Variants in PLCL1 observed in about 807,000 individuals in gnomAD.
The protein encoded by PLCL1 is phospholipase C like 1 (inactive).
In PLCL1, 41 loss-of-function variants were observed where a neutral mutation model predicts 84.4. That is an observed-to-expected ratio of 0.49 (90% CI 0.38 to 0.63). The LOEUF (loss-of-function observed/expected upper bound fraction) is 0.63, where lower values mean the gene tolerates loss of function less well. Ranked by LOEUF, PLCL1 falls within the 30% of genes least tolerant of loss-of-function variation. The probability of loss-of-function intolerance (pLI) is 0.00; values close to 1 mark genes in which losing one functional copy is unlikely to be tolerated. For missense variants in PLCL1, 1,206 were observed against 1,367.8 expected (o/e 0.88, Z 1.87); for synonymous variants, 490 against 488.3 (o/e 1.00, Z -0.05).
rs1559098498 is a variant in PLCL1 at position 198,084,836 on chromosome 2, G to A, written c.1319G>A (p.Arg440Gln). 6.2e-7 allele frequency: 1 copy of A among 1,613,934 alleles called. No individual in the cohort carries two copies. Among genetic ancestry groups the A allele is most frequent in the Non-Finnish European group, 8.5e-7 (1 of 1,179,914 alleles). Reference sequence around the variant, plus strand: ...ATTAGAGCTTTGAAAATGGGCTGTCGAAGCGTTGAACTCGATGTAAGTGAT... The same window carrying A: ...ATTAGAGCTTTGAAAATGGGCTGTCAAAGCGTTGAACTCGATGTAAGTGAT... ...GYIRALKMGC[R>Q]SVELDVSDGS... Residue 440 changes from arginine (R) to glutamine (Q), a missense_variant, in exon 2 of 6, where the codon CGA (arginine) becomes CAA (glutamine). Coordinates refer to ENST00000428675, the MANE Select transcript of PLCL1 (RefSeq NM_006226.4).
intron 1 of PLCL1, among the ~76,000 whole-genome samples, chr2:197,853,048 C>T (rs567893560): frequency 6.6e-6 from 1 of 152,284 alleles, no homozygotes; most frequent in African/African-American, 2.4e-5. Context: ...TCCCTGGTGG[C>T]CACTATTCTG....
intron 1 of PLCL1, among the ~76,000 whole-genome samples, chr2:197,977,620 T>C (rs1303277576): frequency 6.6e-6 from 1 of 152,142 alleles, no homozygotes; most frequent in Non-Finnish European, 1.5e-5. Flanking sequence ...AACAATTGTT[T>C]ACCTTGCCCC....
chr2:197,963,775 T>G (rs1467470248), intron 1 of PLCL1, among the ~76,000 whole-genome samples: 1 of 152,118 alleles, frequency 6.6e-6, no homozygotes, highest in African/African-American at 2.4e-5. Context: ...TTGTGAGAGA[T>G]AGGGATCTAA....
At chr2:197,875,093 C>A (rs1399826906) in intron 1 of PLCL1, among the ~76,000 whole-genome samples, 1 of 152,108 alleles carries the variant, frequency 6.6e-6, no homozygotes, top group East Asian at 1.9e-4. Flanking sequence ...TGAGACCAGC[C>A]TGGCCAACAT....
At chr2:198,013,526 ATAT>A (rs1690918602) in intron 1 of PLCL1, among the ~76,000 whole-genome samples, 1 of 152,096 alleles carries the variant, frequency 6.6e-6, no homozygotes, top group Non-Finnish European at 1.5e-5. Context: ...ATGCTGATTA[ATAT>A]TATACTAGAA....
intron 1 of PLCL1, among the ~76,000 whole-genome samples, chr2:198,019,660 A>G (rs1361587543): frequency 6.6e-6 from 1 of 152,218 alleles, no homozygotes; most frequent in African/African-American, 2.4e-5. Context: ...AACTTAATGA[A>G]ATAAAGCATG....
intron 1 of PLCL1, among the ~76,000 whole-genome samples, chr2:197,894,940 T>C (rs1284191505): frequency 1.3e-5 from 2 of 151,962 alleles, no homozygotes; most frequent in South Asian, 4.1e-4. Context: ...GTGTTTTAAC[T>C]CTCTTTCTTT....
At chr2:197,968,864 T>C (rs1689800578) in intron 1 of PLCL1, among the ~76,000 whole-genome samples, 2 of 152,246 alleles carry the variant, frequency 1.3e-5, no homozygotes, top group Non-Finnish European at 2.9e-5. Context: ...GATGATCTGA[T>C]GGCTGGTTCA....
intron 5 of PLCL1, among the ~76,000 whole-genome samples, chr2:198,134,272 G>A (rs1694199110): frequency 6.6e-6 from 1 of 152,120 alleles, no homozygotes; most frequent in Admixed American, 6.6e-5. Flanking sequence ...TTAATCTGGT[G>A]TTTAAATGAA....
chr2:197,852,358 G>C (rs1221071574), intron 1 of PLCL1, among the ~76,000 whole-genome samples: 1 of 152,174 alleles, frequency 6.6e-6, no homozygotes, highest in Non-Finnish European at 1.5e-5. Context: ...ATTGTCATCT[G>C]ATTACACATT....
chr2:198,076,587 G>T (rs1034476238), intron 1 of PLCL1, among the ~76,000 whole-genome samples: 1 of 152,056 alleles, frequency 6.6e-6, no homozygotes, highest in Non-Finnish European at 1.5e-5. Flanking sequence ...AAGGCCAGTG[G>T]TTTACTTGGG....
At chr2:198,019,586 G>T (rs1293764047) in intron 1 of PLCL1, among the ~76,000 whole-genome samples, 1 of 152,114 alleles carries the variant, frequency 6.6e-6, no homozygotes, top group Non-Finnish European at 1.5e-5. Context: ...ATTTCATGAA[G>T]CATACACAAG....
At position 198,084,800 on chromosome 2, in the gene PLCL1, T is replaced by G. The variant is rs559193852; in HGVS notation, c.1283T>G (p.Ile428Ser). 37 of 1,614,088 alleles carry G rather than the reference T, an allele frequency of 2.3e-5. No individual in the cohort carries two copies. In the South Asian group the frequency reaches 3.8e-4, roughly 17 times the overall value. ...IEDQFRGPAD[I>S]NGYIRALKMG... ...GACCAGTTCAGGGGGCCAGCTGACA[T>G]CAATGGGTACATTAGAGCTTTGAAA... The change falls in exon 2 of 6, where the codon ATC becomes AGC. Residue 428 changes from isoleucine to serine, a missense_variant. Coordinates refer to ENST00000428675, the MANE Select transcript of PLCL1 (RefSeq NM_006226.4).
At chr2:197,884,478 T>G (rs1357563915) in intron 1 of PLCL1, among the ~76,000 whole-genome samples, 1 of 152,196 alleles carries the variant, frequency 6.6e-6, no homozygotes, top group African/African-American at 2.4e-5. Flanking sequence ...GGAAATGTAG[T>G]CTTTTAGCTG....
intron 5 of PLCL1, among the ~76,000 whole-genome samples, chr2:198,104,897 A>C (rs1294057117): frequency 2.0e-5 from 3 of 151,936 alleles, no homozygotes; most frequent in African/African-American, 7.2e-5. Context: ...TTGCTTGTTA[A>C]GTTCCTTATA....
At chr2:198,004,415 T>G (rs778692495) in intron 1 of PLCL1, among the ~76,000 whole-genome samples, 15 of 152,204 alleles carry the variant, frequency 9.9e-5, no homozygotes, top group Non-Finnish European at 1.9e-4. Flanking sequence ...ACTCTTTGAA[T>G]GAATATCTTT....
intron 1 of PLCL1, chr2:198,070,875 T>C (rs890337390): frequency 3.9e-5 from 6 of 152,514 alleles, no homozygotes; most frequent in African/African-American, 1.2e-4. Context: ...AATGTGCAAA[T>C]ATCTTTAATA....
intron 1 of PLCL1, among the ~76,000 whole-genome samples, chr2:197,881,519 C>CTGTGTGTG (rs1235240080): frequency 8.3e-6 from 1 of 120,026 alleles, no homozygotes; most frequent in African/African-American, 3.3e-5. Flanking sequence ...AGGAACAGTG[C>CTGTGTGTG]TCTGTGTGTG....
intron 5 of PLCL1, among the ~76,000 whole-genome samples, chr2:198,146,121 T>A (rs1383399426): frequency 6.6e-6 from 1 of 152,210 alleles, no homozygotes; most frequent in Non-Finnish European, 1.5e-5. Flanking sequence ...GCTAATGTGT[T>A]CCTGCAATCC....
Sources: gnomAD v4.1 joint callset for allele counts (sites outside exome capture counted in the v4.1 genomes callset) on GRCh38, gnomAD v4.1.1 for gene constraint, MANE v1.5 for transcripts, NCBI Gene and HGNC (gene_info 2026-07-23, HGNC 2026-07-21) for gene names.